The following PARN variants were observed in gnomAD, a reference collection of about 807,000 sequenced individuals.
PARN encodes poly(A)-specific ribonuclease PARN.
In PARN, 71 loss-of-function variants were observed where a neutral mutation model predicts 102.8. That is an observed-to-expected ratio of 0.69 (90% CI 0.57 to 0.84). The LOEUF is 0.84. Ranked by LOEUF, PARN falls within the 40% of genes least tolerant of loss-of-function variation. The probability of loss-of-function intolerance (pLI) is 0.00; values close to 1 mark genes in which losing one functional copy is unlikely to be tolerated. For missense variants in PARN, 782 were observed against 760.9 expected (o/e 1.03, Z -0.33); for synonymous variants, 261 against 252.9 (o/e 1.03, Z -0.30).
chr16:14,528,083 CTG>C (rs1481902785), intron 21 of PARN, among the ~76,000 whole-genome samples: 1 of 152,224 alleles, frequency 6.6e-6, no homozygotes, highest in Non-Finnish European at 1.5e-5. Context: ...TGAGGACTGA[CTG>C]TATTTTTAAA....
chr16:14,580,923 T>C lies in PARN; in HGVS notation c.1213A>G (p.Lys405Glu), dbSNP rs548716060. Residue 405 changes from lysine to glutamate, a missense_variant, in exon 18 of 24, where the codon AAA becomes GAA. Coordinates refer to ENST00000437198, the MANE Select transcript of PARN (RefSeq NM_002582.4). The part of the protein sequence containing the change: ...NYLGSFLSPP[K>E]IHVSARSKLI... ...TTTGATCTGGCAGACACATGAATTTTTGGAGGGCTGAGAAAAGAACCTAAT... is the reference window on the plus strand; with the variant it reads ...TTTGATCTGGCAGACACATGAATTTCTGGAGGGCTGAGAAAAGAACCTAAT... 8.3e-5 allele frequency: 133 copies of C among 1,609,338 alleles called. No individual in the cohort carries two copies. In the South Asian group the frequency reaches 1.4e-3, roughly 17 times the overall value.
In PARN at chr16:14,610,558, T is replaced by A. The variant is rs905121661; in HGVS notation, c.554+86A>T. On this transcript the variant is annotated intron_variant, in intron 7 of 23. Coordinates refer to ENST00000437198, the MANE Select transcript of PARN (RefSeq NM_002582.4). ...ATCACACCCGTGTGTGTACTATGTT[T>A]GTAAAGCACAGGTTTGAGATATAGA... 5.0e-6 allele frequency: 4 copies of A among 796,756 alleles called. No individual in the cohort carries two copies. The African/African-American group carries it at 6.8e-5, about 14-fold the overall frequency. 49.4% of individuals were successfully genotyped at this position (796,756 alleles called of 1,614,324 possible).
Position 14,482,673 on chromosome 16 carries a change from G to A in PARN, c.1635C>T (p.Pro545=). ...GGTAATAGTGATTCTGCAGGGTGTA[G>A]GGTATGCACTGGGGGTTTAACCGTT... ...DSKRLNPQCI[P]YTLQNHYYRN... Residue 545 remains proline (P), a synonymous_variant, in exon 22 of 24, where the codon CCC becomes CCT. Transcript: ENST00000437198. 1 of 1,613,314 alleles carries A rather than the reference G, an allele frequency of 6.2e-7. No individual in the cohort carries two copies. The highest frequency in any genetic ancestry group is 8.5e-7 in the Non-Finnish European group (1 of 1,179,572).
intron 8 of PARN, 149 bp from the exon 9 acceptor site, chr16:14,608,468 A>C (rs1971327195): frequency 3.4e-6 from 2 of 595,782 alleles, no homozygotes; most frequent in Non-Finnish European, 6.0e-6. Context: ...AGGTTTTTTG[A>C]GGTGGGGGGA....
Position 14,584,758 on chromosome 16 carries a change from T to C in PARN, c.996A>G (p.Gln332=). 2 of 1,572,582 alleles carry C rather than the reference T, an allele frequency of 1.3e-6. No homozygotes were observed. The highest frequency in any genetic ancestry group is 1.2e-5 in the South Asian group (1 of 84,132). The part of the protein sequence containing the change: ...LLDTKLMAST[Q]PFKDIINNTS... ...AGCAAATGAATAATACCTTAAAAGGTTGTGTGCTGGCCATCAATTTAGTAT... is the reference window on the plus strand; with the variant it reads ...AGCAAATGAATAATACCTTAAAAGGCTGTGTGCTGGCCATCAATTTAGTAT... The change falls in exon 15 of 24, where the codon CAA becomes CAG. Residue 332 remains glutamine (Q), a synonymous_variant. Coordinates refer to ENST00000437198, the MANE Select transcript of PARN (RefSeq NM_002582.4).
chr16:14,556,762 C>T (rs1251447926), intron 18 of PARN, among the ~76,000 whole-genome samples: 1 of 151,990 alleles, frequency 6.6e-6, no homozygotes, highest in Non-Finnish European at 1.5e-5. Flanking sequence ...TTACAATGGG[C>T]ATTTGTGAGC....
intron 22 of PARN, among the ~76,000 whole-genome samples, chr16:14,452,598 A>T (rs1961512608): frequency 6.6e-6 from 1 of 152,166 alleles, no homozygotes; most frequent in Admixed American, 6.5e-5. Context: ...CGGCCTCCCA[A>T]AGTGCTGGGA....
At position 14,582,209 on chromosome 16, in the gene PARN, C is replaced by T. The variant is rs1198091295; in HGVS notation, c.1164G>A (p.Leu388=). The change falls in exon 17 of 24, where the codon CTG becomes CTA. Residue 388 remains leucine, a synonymous_variant. Transcript: ENST00000437198. ...EAGYDAYITG[L]CFISMANYLG... ...GGTAATTGGCCATGGAGATGAAGCA[C>T]AGCCCTGTGATGTAGGCATCGTAGC... The T allele has an allele frequency of 6.2e-7, 1 of 1,612,312 alleles. No homozygotes were observed. The highest frequency in any genetic ancestry group is 8.5e-7 in the Non-Finnish European group (1 of 1,178,330).
At chr16:14,618,517 C>A (rs1391595950) in intron 5 of PARN, among the ~76,000 whole-genome samples, 2 of 150,550 alleles carry the variant, frequency 1.3e-5, no homozygotes, top group African/African-American at 2.4e-5. Flanking sequence ...AAAAATTAGC[C>A]AGGTGTGGTG....
chr16:14,483,945 A>T (rs975741528), intron 21 of PARN, among the ~76,000 whole-genome samples: 1 of 152,170 alleles, frequency 6.6e-6, no homozygotes, highest in East Asian at 1.9e-4. Flanking sequence ...CCATCAGCTG[A>T]GCAGTGTACA....
intron 21 of PARN, among the ~76,000 whole-genome samples, chr16:14,533,490 A>T (rs934866891): frequency 1.6e-5 from 2 of 126,558 alleles, no homozygotes; most frequent in African/African-American, 6.3e-5. Context: ...AGGGAGAGGG[A>T]GAGGTTCCAA....
chr16:14,584,386 T>C lies in PARN; in HGVS notation c.1042A>G (p.Lys348Glu), dbSNP rs972193208. The C allele has an allele frequency of 6.2e-7, 1 of 1,613,608 alleles. No homozygotes were observed. Among genetic ancestry groups the C allele is most frequent in the South Asian group, 1.1e-5 (1 of 91,062 alleles). Residue 348 changes from lysine to glutamate, a missense_variant, in exon 16 of 24, where the codon AAG becomes GAG. Physicochemically the swap from Lys to Glu is moderately conservative, Grantham distance 56. Coordinates refer to ENST00000437198, the MANE Select transcript of PARN (RefSeq NM_002582.4). ...TTGAAAGGTGTCTCTTTTAACCGCTTTTCCAATTCCGCAAGGGATGTGTTG... is the reference window on the plus strand; with the variant it reads ...TTGAAAGGTGTCTCTTTTAACCGCTCTTCCAATTCCGCAAGGGATGTGTTG... ...INNTSLAELE[K>E]RLKETPFNPP...
intron 21 of PARN, among the ~76,000 whole-genome samples, chr16:14,492,555 C>G (rs1310063374): frequency 6.6e-6 from 1 of 152,126 alleles, no homozygotes; most frequent in African/African-American, 2.4e-5. Flanking sequence ...AGAGTGTGAT[C>G]TTGGTTCTGT....
At chr16:14,502,161 C>A (rs953793662) in intron 21 of PARN, among the ~76,000 whole-genome samples, 16 of 152,150 alleles carry the variant, frequency 1.1e-4, no homozygotes, top group African/African-American at 3.9e-4. Flanking sequence ...CCACAGTTGG[C>A]TTCAGGGAAA....
chr16:14,514,917 A>G (rs1007527543), intron 21 of PARN, among the ~76,000 whole-genome samples: 1 of 152,214 alleles, frequency 6.6e-6, no homozygotes. Flanking sequence ...AAGCTACGTT[A>G]AATCAAGCTG....
At chr16:14,547,923 T>C (rs1038788447) in intron 21 of PARN, among the ~76,000 whole-genome samples, 13 of 152,078 alleles carry the variant, frequency 8.5e-5, no homozygotes, top group African/African-American at 3.1e-4. Flanking sequence ...CTGTTTCCAC[T>C]GAAATGAATA....
At chr16:14,525,949 G>C (rs1331483783) in intron 21 of PARN, among the ~76,000 whole-genome samples, 2 of 151,892 alleles carry the variant, frequency 1.3e-5, no homozygotes, top group Non-Finnish European at 2.9e-5. Flanking sequence ...CTCCCGAGTA[G>C]CTAGGATTAC....
intron 22 of PARN, among the ~76,000 whole-genome samples, chr16:14,465,854 T>C (rs1413996006): frequency 6.6e-6 from 1 of 152,058 alleles, no homozygotes; most frequent in Non-Finnish European, 1.5e-5. Flanking sequence ...AATCAAGAAG[T>C]ATGGATGGAG....
intron 21 of PARN, among the ~76,000 whole-genome samples, chr16:14,532,532 AC>A (rs1966400068): frequency 1.2e-5 from 1 of 80,472 alleles, no homozygotes. Flanking sequence ...TTTTCTTAGT[AC>A]AGAGCAAAAC....
Sources: gnomAD v4.1 joint callset for allele counts (sites outside exome capture counted in the v4.1 genomes callset) on GRCh38, gnomAD v4.1.1 for gene constraint, MANE v1.5 for transcripts, NCBI Gene and HGNC (gene_info 2026-07-23, HGNC 2026-07-21) for gene names.